The following SLC35D2 variants were observed in gnomAD, a reference collection of about 807,000 sequenced individuals.
SLC35D2 encodes the protein solute carrier family 35 member D2, also known as nucleotide sugar transporter SLC35D2.
A neutral mutation model predicts 41.8 loss-of-function variants in SLC35D2; 43 were observed. The ratio of observed to expected loss-of-function variants is 1.03; its 90% confidence interval spans 0.81 to 1.33. The LOEUF is 1.33. Ranked by LOEUF, SLC35D2 falls within the 40% of genes most tolerant of loss-of-function variation. SLC35D2 has a pLI of 0.00. For synonymous variants in SLC35D2, 150 were observed against 163.9 expected (o/e 0.92, Z 0.65); for missense variants, 380 against 408.4 (o/e 0.93, Z 0.60).
intron 10 of SLC35D2, among the ~76,000 whole-genome samples, chr9:96,322,534 T>C (rs1587826203): frequency 1.3e-5 from 2 of 151,822 alleles, no homozygotes; most frequent in Non-Finnish European, 2.9e-5. Flanking sequence ...AATAAATAAA[T>C]AAGCCATTAC....
At chr9:96,360,030 C>A in intron 4 of SLC35D2, 124 bp downstream of exon 4, 1 of 560,616 alleles carries the variant, frequency 1.8e-6, no homozygotes, top group Non-Finnish European at 3.1e-6. Context: ...TCTTAAACTA[C>A]TAAATATTAT....
intron 3 of SLC35D2, among the ~76,000 whole-genome samples, chr9:96,360,610 C>A: frequency 1.1e-5 from 1 of 94,410 alleles, no homozygotes; most frequent in Non-Finnish European, 1.9e-5. Flanking sequence ...GCTTGGGCAA[C>A]AGAGCAAGAC....
At chr9:96,376,282 G>A (rs544726721) in intron 1 of SLC35D2, among the ~76,000 whole-genome samples, 2 of 131,090 alleles carry the variant, frequency 1.5e-5, no homozygotes, top group African/African-American at 5.8e-5. Flanking sequence ...GTGACAGAGT[G>A]AGACTCTGTC....
At chr9:96,327,673 G>A (rs1828604773) in intron 9 of SLC35D2, among the ~76,000 whole-genome samples, 1 of 150,986 alleles carries the variant, frequency 6.6e-6, no homozygotes, top group African/African-American at 2.4e-5. Flanking sequence ...CCAGGCTGGA[G>A]CGCAGTGGTG....
chr9:96,373,404 C>T (rs2131022341), intron 1 of SLC35D2, among the ~76,000 whole-genome samples: 1 of 152,174 alleles, frequency 6.6e-6, no homozygotes, highest in East Asian at 1.9e-4. Flanking sequence ...ACTTGAGCCT[C>T]TCGGCCGGGA....
At chr9:96,323,335 G>C (rs1828343573) in intron 10 of SLC35D2, among the ~76,000 whole-genome samples, 1 of 151,926 alleles carries the variant, frequency 6.6e-6, no homozygotes, top group Non-Finnish European at 1.5e-5. Flanking sequence ...TGTGTATTCA[G>C]ATGCATCCAC....
intron 1 of SLC35D2, among the ~76,000 whole-genome samples, chr9:96,378,781 G>C (rs1448623635): frequency 6.6e-6 from 1 of 151,736 alleles, no homozygotes; most frequent in African/African-American, 2.4e-5. Flanking sequence ...ATTCAAAAAT[G>C]ACCCAGGAGT....
chr9:96,327,029 G>T (rs1175851393), intron 9 of SLC35D2, among the ~76,000 whole-genome samples: 1 of 152,214 alleles, frequency 6.6e-6, no homozygotes, highest in Admixed American at 6.5e-5. Context: ...CTCAGACCCA[G>T]ATCAGAGGAG....
chr9:96,365,039 T>G (rs1830420622), intron 2 of SLC35D2, among the ~76,000 whole-genome samples: 1 of 86,782 alleles, frequency 1.2e-5, no homozygotes, highest in South Asian at 3.6e-4. Flanking sequence ...CACCACTGTC[T>G]CAAAAAAAAA....
chr9:96,364,489 T>G lies in SLC35D2; in HGVS notation c.254A>C (p.Asp85Ala), dbSNP rs559651720. ...SKLNKIIHFPDFDKKIPVKLF... is the reference protein window; with the variant it reads ...SKLNKIIHFPAFDKKIPVKLF... ...CTTTACAGGAATTTTCTTATCAAAA[T>G]CAGGGAAGTGAATGATTTTGTTTAG... The change falls in exon 3 of 12, where the codon GAT becomes GCT. Residue 85 changes from aspartate to alanine, a missense_variant. Transcript: ENST00000253270. The G allele has an allele frequency of 1.1e-5, 18 of 1,598,974 alleles. No homozygotes were observed. In the South Asian group the frequency reaches 1.9e-4, roughly 17 times the overall value.
intron 8 of SLC35D2, among the ~76,000 whole-genome samples, chr9:96,343,492 T>G (rs1207770448): frequency 7.2e-5 from 11 of 152,236 alleles, no homozygotes; most frequent in African/African-American, 2.7e-4. Context: ...GACAACTCAT[T>G]GAATTACTCT....
At chr9:96,371,696 C>A (rs1587719450) in intron 1 of SLC35D2, among the ~76,000 whole-genome samples, 2 of 145,730 alleles carry the variant, frequency 1.4e-5, no homozygotes, top group Middle Eastern at 3.5e-3. Flanking sequence ...TTTCTCCATT[C>A]AGTTCAGTTA....
chr9:96,330,326 G>C (rs148404429), intron 9 of SLC35D2, among the ~76,000 whole-genome samples: 3 of 152,124 alleles, frequency 2.0e-5, no homozygotes, highest in Non-Finnish European at 4.4e-5. Context: ...CACACACACA[G>C]ACACCTAAAA....
chr9:96,321,566 G>A (rs1828226668), intron 11 of SLC35D2, among the ~76,000 whole-genome samples: 1 of 152,148 alleles, frequency 6.6e-6, no homozygotes, highest in African/African-American at 2.4e-5. Flanking sequence ...ACCTCAGAGA[G>A]AAAATAAGCA....
chr9:96,322,749 C>T (rs1587826738), intron 10 of SLC35D2, among the ~76,000 whole-genome samples: 1 of 122,864 alleles, frequency 8.1e-6, no homozygotes. Flanking sequence ...GACAGAGTCT[C>T]ACTCTGTTGC....
At chr9:96,380,928 A>G (rs1831174056) in intron 1 of SLC35D2, among the ~76,000 whole-genome samples, 1 of 152,144 alleles carries the variant, frequency 6.6e-6, no homozygotes. Context: ...CACACTGGAG[A>G]GACCTTGCCA....
chr9:96,321,809 C>T (rs961095447), intron 11 of SLC35D2, among the ~76,000 whole-genome samples, 189 bp downstream of exon 11: 5 of 152,160 alleles, frequency 3.3e-5, no homozygotes, highest in Admixed American at 1.3e-4. Context: ...TGCCATCACA[C>T]GTGTCCCCAT....
At chr9:96,374,763 G>A (rs1000302090) in intron 1 of SLC35D2, among the ~76,000 whole-genome samples, 54 of 150,592 alleles carry the variant, frequency 3.6e-4, no homozygotes, top group African/African-American at 1.2e-3. Flanking sequence ...GCGTGAACCC[G>A]GAAGGCAGAG....
At chr9:96,360,073 G>T in intron 4 of SLC35D2, 81 bp downstream of exon 4, 1 of 996,440 alleles carries the variant, frequency 1.0e-6, no homozygotes, top group Non-Finnish European at 1.5e-6. Context: ...CACTATCAAT[G>T]GCAAAAATCA....
Sources: allele counts gnomAD v4.1 joint callset (sites outside exome capture counted in the v4.1 genomes callset), GRCh38; gene constraint gnomAD v4.1.1; transcripts MANE v1.5; gene names NCBI Gene and HGNC (gene_info 2026-07-23, HGNC 2026-07-21).